Variants in ZDHHC14 observed in about 807,000 individuals in gnomAD.
The protein encoded by ZDHHC14 is palmitoyltransferase ZDHHC14.
A neutral mutation model predicts 47.7 loss-of-function variants in ZDHHC14; 16 were observed. That is an observed-to-expected ratio of 0.34 (90% CI 0.23 to 0.51). The LOEUF is 0.51. Ranked by LOEUF, ZDHHC14 falls within the 20% of genes least tolerant of loss-of-function variation. The pLI is 0.97. For missense variants in ZDHHC14, 515 were observed against 662.5 expected (o/e 0.78, Z 2.44); for synonymous variants, 293 against 278.9 (o/e 1.05, Z -0.50).
chr6:157,668,406 A>G (rs1778645071), intron 8 of ZDHHC14, among the ~76,000 whole-genome samples: 1 of 151,868 alleles, frequency 6.6e-6, no homozygotes, highest in African/African-American at 2.4e-5. Flanking sequence ...CTTACGGGCT[A>G]GGCACGGTGG....
At chr6:157,585,033 C>T (rs990182589) in intron 2 of ZDHHC14, among the ~76,000 whole-genome samples, 12 of 151,886 alleles carry the variant, frequency 7.9e-5, no homozygotes, top group African/African-American at 2.7e-4. Flanking sequence ...GGCAAAACCC[C>T]GTCTCTACTA....
At chr6:157,484,331 A>T (rs1248244953) in intron 1 of ZDHHC14, among the ~76,000 whole-genome samples, 1 of 142,252 alleles carries the variant, frequency 7.0e-6, no homozygotes, top group Non-Finnish European at 1.5e-5. Flanking sequence ...ATATATACGT[A>T]TATATACATT....
intron 3 of ZDHHC14, among the ~76,000 whole-genome samples, chr6:157,603,638 C>T (rs759838491): frequency 6.6e-6 from 1 of 152,170 alleles, no homozygotes; most frequent in Non-Finnish European, 1.5e-5. Context: ...CTCTGTGGCC[C>T]TTAACAAGCA....
At chr6:157,418,554 T>G (rs1000734707) in intron 1 of ZDHHC14, among the ~76,000 whole-genome samples, 1 of 152,188 alleles carries the variant, frequency 6.6e-6, no homozygotes, top group African/African-American at 2.4e-5. Flanking sequence ...GGAAAAATGA[T>G]AGGTTTAATA....
At chr6:157,605,033 G>A (rs1784483333) in intron 3 of ZDHHC14, among the ~76,000 whole-genome samples, 1 of 152,250 alleles carries the variant, frequency 6.6e-6, no homozygotes, top group African/African-American at 2.4e-5. Context: ...TCTGTTGAGT[G>A]TTGGCAATAA....
chr6:157,654,280 C>T (rs961434535), intron 8 of ZDHHC14, among the ~76,000 whole-genome samples: 1 of 151,750 alleles, frequency 6.6e-6, no homozygotes, highest in Non-Finnish European at 1.5e-5. Context: ...GGGCAGGAGT[C>T]GCTCATGGAC....
chr6:157,600,487 C>G (rs1254074107), intron 3 of ZDHHC14, among the ~76,000 whole-genome samples: 2 of 152,166 alleles, frequency 1.3e-5, no homozygotes, highest in African/African-American at 4.8e-5. Context: ...CTCACTGCAA[C>G]CTCCGCCTCC....
In ZDHHC14 at chr6:157,416,670, TAA is replaced by T. The variant is rs570772103; in HGVS notation, c.245+34429_245+34430del. Among the ~76,000 whole-genome samples, 309 of 75,318 alleles carry T rather than the reference TAA, an allele frequency of 4.1e-3. 3 individuals carry two copies. Among genetic ancestry groups the T allele is most frequent in the African/African-American group, 0.013 (257 of 20,080 alleles). The allele number at this position is 75,318 out of a possible 152,430, so 49.4% of individuals were successfully genotyped here. A position where few individuals can be genotyped will look rare whatever the true frequency, so the allele number is the denominator to read the frequency against. On this transcript the variant is annotated intron_variant, in intron 1 of 8. Coordinates refer to ENST00000359775, the MANE Select transcript of ZDHHC14 (RefSeq NM_024630.3). ...GTGACAGAGTGAGACCCTGTCTCAT[TAA>T]AAAAAAAAAAAAAAAAAAAAAAAAG...
chr6:157,540,910 G>GTGTGTGTGTGTGTATATA (rs1284429244), intron 1 of ZDHHC14, among the ~76,000 whole-genome samples: 2 of 122,992 alleles, frequency 1.6e-5, no homozygotes, highest in Non-Finnish European at 3.1e-5. Flanking sequence ...GTGTGTGTGT[G>GTGTGTGTGTGTGTATATA]TATATATATA....
chr6:157,647,585 G>A lies in ZDHHC14; in HGVS notation c.965+217G>A, dbSNP rs1388618670. ...TTCAATTGAATCTGTGTCTGATTGG[G>A]GGGAAATTTCCTAAAGCCCAAAATA... On this transcript the variant is annotated intron_variant, in intron 7 of 8. Coordinates refer to ENST00000359775, the MANE Select transcript of ZDHHC14 (RefSeq NM_024630.3). Among the ~76,000 whole-genome samples, 5 of 152,174 alleles carry A rather than the reference G, an allele frequency of 3.3e-5. No homozygotes were observed. In the South Asian group the frequency reaches 6.2e-4, roughly 19 times the overall value.
At chr6:157,637,587 G>A (rs552340199) in intron 5 of ZDHHC14, among the ~76,000 whole-genome samples, 29 of 152,162 alleles carry the variant, frequency 1.9e-4, no homozygotes, top group Non-Finnish European at 3.7e-4. Context: ...GCAAGAATCT[G>A]TAAAGTCCCA....
intron 1 of ZDHHC14, among the ~76,000 whole-genome samples, chr6:157,488,970 TTG>T (rs1283812220): frequency 1.3e-5 from 2 of 152,086 alleles, no homozygotes; most frequent in Non-Finnish European, 2.9e-5. Flanking sequence ...CAAGGAAGAG[TTG>T]TTACTCTGTT....
At chr6:157,625,351 A>G (rs1785362883) in intron 3 of ZDHHC14, among the ~76,000 whole-genome samples, 1 of 152,210 alleles carries the variant, frequency 6.6e-6, no homozygotes, top group Non-Finnish European at 1.5e-5. Context: ...GGGAGGGAGG[A>G]CAGGATGTCC....
chr6:157,508,217 G>A (rs1355035499), intron 1 of ZDHHC14, among the ~76,000 whole-genome samples: 1 of 152,162 alleles, frequency 6.6e-6, no homozygotes, highest in Non-Finnish European at 1.5e-5. Flanking sequence ...TCAATACCAG[G>A]GTGGTGGTGA....
chr6:157,539,353 A>G (rs905915), intron 1 of ZDHHC14, among the ~76,000 whole-genome samples: 91,714 of 151,686 alleles, frequency 0.6, 29,029 homozygotes, highest in African/African-American at 0.81. Context: ...GCAGTGAGCC[A>G]TGATCATACC....
intron 1 of ZDHHC14, among the ~76,000 whole-genome samples, chr6:157,464,710 C>T (rs964854764): frequency 6.6e-6 from 1 of 152,196 alleles, no homozygotes; most frequent in East Asian, 1.9e-4. Flanking sequence ...AACTTAGTGA[C>T]CCGAAGCAAA....
intron 5 of ZDHHC14, among the ~76,000 whole-genome samples, chr6:157,642,978 C>G (rs1254537402): frequency 6.6e-6 from 1 of 152,236 alleles, no homozygotes; most frequent in Non-Finnish European, 1.5e-5. Flanking sequence ...AGGGGACCAG[C>G]CTAAGACTCT....
intron 1 of ZDHHC14, among the ~76,000 whole-genome samples, chr6:157,493,084 G>A (rs1327734527): frequency 6.6e-6 from 1 of 152,220 alleles, no homozygotes; most frequent in Non-Finnish European, 1.5e-5. Context: ...CAGAAGCAAG[G>A]AGACTGAGGT....
intron 1 of ZDHHC14, among the ~76,000 whole-genome samples, chr6:157,485,976 G>C (rs1381090279): frequency 6.6e-6 from 1 of 152,250 alleles, no homozygotes; most frequent in Non-Finnish European, 1.5e-5. Context: ...TCAGGCCACT[G>C]CACTCCACCC....
Sources: allele counts gnomAD v4.1 joint callset (sites outside exome capture counted in the v4.1 genomes callset), GRCh38; gene constraint gnomAD v4.1.1; transcripts MANE v1.5; gene names NCBI Gene and HGNC (gene_info 2026-07-23, HGNC 2026-07-21).